The following PHACTR1 variants were observed in gnomAD, a reference collection of about 807,000 sequenced individuals.
The protein encoded by PHACTR1 is RPEL repeat containing 1.
In PHACTR1, 16 loss-of-function variants were observed where a neutral mutation model predicts 69.2. The ratio of observed to expected loss-of-function variants is 0.23; its 90% CI spans 0.16 to 0.35. The LOEUF (loss-of-function observed/expected upper bound fraction) is 0.35, where lower values mean the gene tolerates loss of function less well. Among genes scored for constraint, PHACTR1 ranks in the 10% least tolerant of loss-of-function variants. PHACTR1 has a pLI of 1.00. For missense variants in PHACTR1, 510 were observed against 734.7 expected, an observed-to-expected ratio of 0.69 and a Z score of 3.54; for synonymous variants, 312 against 284.5, an observed-to-expected ratio of 1.10 and a Z score of -0.97.
chr6:13,169,320 A>C (rs997251713), intron 6 of PHACTR1, among the ~76,000 whole-genome samples: 118 of 152,200 alleles, frequency 7.8e-4, no homozygotes, highest in African/African-American at 2.6e-3. Flanking sequence ...ATATCTAAGT[A>C]GACCTCTAAG....
At chr6:12,836,457 T>C (rs763220427) in intron 4 of PHACTR1, among the ~76,000 whole-genome samples, 9 of 152,156 alleles carry the variant, frequency 5.9e-5, no homozygotes, top group Non-Finnish European at 1.2e-4. Context: ...CTTTTATTGA[T>C]GTCAATAGCA....
chr6:12,907,808 C>T (rs1198589269), intron 4 of PHACTR1, among the ~76,000 whole-genome samples: 1 of 152,136 alleles, frequency 6.6e-6, no homozygotes, highest in East Asian at 1.9e-4. Flanking sequence ...GGCTTGGTCA[C>T]TATTAAAGTT....
intron 5 of PHACTR1, among the ~76,000 whole-genome samples, chr6:13,130,109 A>AAGAATTTT (rs1820180894): frequency 6.6e-6 from 1 of 152,156 alleles, no homozygotes; most frequent in Non-Finnish European, 1.5e-5. Flanking sequence ...GAGCTGAACA[A>AAGAATTTT]TAATAGTGAC....
chr6:12,739,805 C>A (rs1386630335), intron 3 of PHACTR1, among the ~76,000 whole-genome samples: 2 of 152,230 alleles, frequency 1.3e-5, no homozygotes, highest in East Asian at 3.9e-4. Flanking sequence ...CAAAGTAAAT[C>A]CAAAGGGATT....
At chr6:13,284,330 C>T (rs1780994390) in intron 13 of PHACTR1, among the ~76,000 whole-genome samples, 1 of 151,422 alleles carries the variant, frequency 6.6e-6, no homozygotes, top group Non-Finnish European at 1.5e-5. Flanking sequence ...CCAGCCTGAC[C>T]AACATGATGA....
At chr6:12,828,564 A>G (rs537088003) in intron 4 of PHACTR1, among the ~76,000 whole-genome samples, 2 of 152,292 alleles carry the variant, frequency 1.3e-5, no homozygotes, top group South Asian at 4.1e-4. Flanking sequence ...GTAGGGTATA[A>G]TATTCTTGCC....
At chr6:13,088,663 C>A (rs1207573657) in intron 5 of PHACTR1, among the ~76,000 whole-genome samples, 2 of 152,070 alleles carry the variant, frequency 1.3e-5, no homozygotes, top group East Asian at 3.9e-4. Context: ...TTTGTTTTGA[C>A]CCTAGTTTCT....
chr6:13,162,005 G>A (rs1313239665), intron 6 of PHACTR1, among the ~76,000 whole-genome samples: 1 of 152,104 alleles, frequency 6.6e-6, no homozygotes, highest in Admixed American at 6.5e-5. Context: ...TTTTTTGATG[G>A]ATTAAGCTCT....
At chr6:13,094,481 GA>G (rs1236704167) in intron 5 of PHACTR1, among the ~76,000 whole-genome samples, 2 of 150,918 alleles carry the variant, frequency 1.3e-5, no homozygotes, top group South Asian at 2.1e-4. Context: ...TTTTAGTAGA[GA>G]GGGGGGGTTT....
intron 8 of PHACTR1, among the ~76,000 whole-genome samples, chr6:13,211,206 G>T (rs1247902930): frequency 2.6e-5 from 4 of 151,762 alleles, no homozygotes; most frequent in Non-Finnish European, 4.4e-5. Flanking sequence ...CTGAGGTTTG[G>T]GTGCACCCAT....
At chr6:12,776,310 G>A (rs1057139212) in intron 4 of PHACTR1, among the ~76,000 whole-genome samples, 2 of 152,086 alleles carry the variant, frequency 1.3e-5, no homozygotes, top group African/African-American at 4.8e-5. Flanking sequence ...CCTCATTACC[G>A]TTTACAATTT....
intron 4 of PHACTR1, among the ~76,000 whole-genome samples, chr6:12,976,952 G>T (rs1403949857): frequency 6.6e-6 from 1 of 152,108 alleles, no homozygotes; most frequent in Admixed American, 6.5e-5. Context: ...TATGTATAGG[G>T]TTCGCTATGA....
At chr6:13,178,239 C>T (rs1187596307) in intron 6 of PHACTR1, among the ~76,000 whole-genome samples, 1 of 152,202 alleles carries the variant, frequency 6.6e-6, no homozygotes, top group Non-Finnish European at 1.5e-5. Context: ...CTCTCCAGCC[C>T]CATTGTCCTT....
intron 4 of PHACTR1, among the ~76,000 whole-genome samples, chr6:13,025,676 T>C (rs1277666675): frequency 6.9e-6 from 1 of 144,776 alleles, no homozygotes; most frequent in Non-Finnish European, 1.5e-5. Flanking sequence ...ATTATTTGTG[T>C]GTGTGTGTGT....
chr6:12,949,269 C>CAAA (rs201027793), intron 4 of PHACTR1, among the ~76,000 whole-genome samples: 5 of 56,998 alleles, frequency 8.8e-5, no homozygotes, highest in Admixed American at 2.0e-4. Context: ...AACGTCATCT[C>CAAA]AAAAAAAAAA....
At chr6:13,071,970 T>C (rs1809606211) in intron 5 of PHACTR1, among the ~76,000 whole-genome samples, 1 of 152,204 alleles carries the variant, frequency 6.6e-6, no homozygotes, top group African/African-American at 2.4e-5. Flanking sequence ...GCAGCATCAT[T>C]TTATAATAAT....
chr6:12,820,389 C>T (rs1776074505), intron 4 of PHACTR1, among the ~76,000 whole-genome samples: 2 of 152,126 alleles, frequency 1.3e-5, no homozygotes, highest in South Asian at 4.1e-4. Context: ...ACCATGTTAA[C>T]CAGGATGGTC....
Position 12,808,179 on chromosome 6 carries a change from A to G in PHACTR1, c.250+58389A>G, listed in dbSNP as rs138520214. 1.2e-4 allele frequency among the ~76,000 whole-genome samples: 18 copies of G among 152,364 alleles called. No homozygotes were observed. In the East Asian group the frequency reaches 3.1e-3, roughly 26 times the overall value. ...TATGATTCATTGTAAGCACATGAACAGAAACCAGTTTTTGGAGCACTGATT... is the reference window on the plus strand; with the variant it reads ...TATGATTCATTGTAAGCACATGAACGGAAACCAGTTTTTGGAGCACTGATT... On this transcript the variant is annotated intron_variant, in intron 4 of 14. Transcript: ENST00000332995.
At chr6:13,233,700 A>C (rs897767391) in intron 10 of PHACTR1, among the ~76,000 whole-genome samples, 1 of 152,276 alleles carries the variant, frequency 6.6e-6, no homozygotes. Flanking sequence ...CCCTTGACAC[A>C]TGGGGATTAT....
Sources: allele counts gnomAD v4.1 joint callset (sites outside exome capture counted in the v4.1 genomes callset), GRCh38; gene constraint gnomAD v4.1.1; transcripts MANE v1.5; gene names NCBI Gene and HGNC (gene_info 2026-07-23, HGNC 2026-07-21).